THSD7B: variants seen among roughly 807,000 people sequenced by gnomAD.
THSD7B encodes thrombospondin type 1 domain containing 7B.
In THSD7B, 138 loss-of-function variants were observed where a neutral mutation model predicts 213.6. The observed-to-expected ratio is 0.65, with a 90% CI of 0.56 to 0.74. The LOEUF (loss-of-function observed/expected upper bound fraction) is 0.74, where lower values mean the gene tolerates loss of function less well. Among genes scored for constraint, THSD7B ranks in the 30% least tolerant of loss-of-function variants. THSD7B has a pLI of 0.00. For synonymous variants in THSD7B, 742 were observed against 687.0 expected, an observed-to-expected ratio of 1.08 and a Z score of -1.25; for missense variants, 1,931 against 1,991.5, an observed-to-expected ratio of 0.97 and a Z score of 0.58.
rs1350369275 is a variant in THSD7B at position 137,315,534 on chromosome 2, C to G, written c.2500+39508C>G. The stretch of plus-strand genomic sequence containing the variant: ...TATTCAGCCATCTTGGCTCCTCCCC[C>G]ACTATATGTATATATAATTTTAAAA... On this transcript the variant is annotated intron_variant, in intron 12 of 27. Transcript: ENST00000409968. 2.6e-5 allele frequency among the ~76,000 whole-genome samples: 4 copies of G among 152,110 alleles called. No individual in the cohort carries two copies. The South Asian group carries it at 6.2e-4, about 24-fold the overall frequency.
intron 2 of THSD7B, among the ~76,000 whole-genome samples, chr2:136,921,638 T>A (rs1684440455): frequency 6.6e-6 from 1 of 152,262 alleles, no homozygotes; most frequent in South Asian, 2.1e-4. Flanking sequence ...TTGCATTTTC[T>A]TGATTTTCAA....
At chr2:137,104,092 C>G (rs1172880715) in intron 4 of THSD7B, among the ~76,000 whole-genome samples, 1 of 152,166 alleles carries the variant, frequency 6.6e-6, no homozygotes. Context: ...CTTCTCAGCA[C>G]CACATCACAC....
intron 2 of THSD7B, among the ~76,000 whole-genome samples, chr2:136,937,772 C>T (rs180901211): frequency 7.2e-5 from 11 of 152,196 alleles, no homozygotes; most frequent in African/African-American, 2.2e-4. Context: ...TTAGATGTAG[C>T]GTGGGTACTT....
intron 2 of THSD7B, among the ~76,000 whole-genome samples, chr2:136,912,082 G>A (rs1359429007): frequency 6.6e-6 from 1 of 152,070 alleles, no homozygotes; most frequent in African/African-American, 2.4e-5. Context: ...GGAGGCCAAG[G>A]TGGGCAGATC....
At chr2:137,496,255 G>A (rs1304504033) in intron 15 of THSD7B, among the ~76,000 whole-genome samples, 6 of 152,160 alleles carry the variant, frequency 3.9e-5, no homozygotes, top group Admixed American at 3.3e-4. Flanking sequence ...AATGCTCTTA[G>A]CTGACTTTCC....
chr2:137,078,928 T>C (rs1687687010), intron 3 of THSD7B, among the ~76,000 whole-genome samples: 1 of 152,208 alleles, frequency 6.6e-6, no homozygotes, highest in African/African-American at 2.4e-5. Context: ...TTTTCATTTT[T>C]AAATTCTGGT....
chr2:137,176,577 C>T (rs1680361928), intron 7 of THSD7B, among the ~76,000 whole-genome samples: 1 of 152,200 alleles, frequency 6.6e-6, no homozygotes, highest in Admixed American at 6.5e-5. Context: ...TGGGTTGTAG[C>T]ACACACCTTT....
intron 1 of THSD7B, among the ~76,000 whole-genome samples, chr2:136,802,178 G>A (rs947477681): frequency 9.2e-5 from 14 of 152,110 alleles, no homozygotes; most frequent in Admixed American, 3.3e-4. Flanking sequence ...TAAGGGGAAC[G>A]TTAATGGGGT....
At chr2:136,907,492 T>C (rs1684184825) in intron 2 of THSD7B, among the ~76,000 whole-genome samples, 1 of 152,174 alleles carries the variant, frequency 6.6e-6, no homozygotes, top group African/African-American at 2.4e-5. Context: ...TCTACCTATA[T>C]TGGATCACAG....
chr2:136,775,417 G>A (rs1017575021), intron 1 of THSD7B, among the ~76,000 whole-genome samples: 4 of 152,052 alleles, frequency 2.6e-5, no homozygotes, highest in African/African-American at 9.7e-5. Context: ...ACAAGTCAAG[G>A]CACTAGAAAA....
chr2:137,415,689 T>TTTTTA (rs1686782540), intron 14 of THSD7B, among the ~76,000 whole-genome samples: 1 of 79,452 alleles, frequency 1.3e-5, no homozygotes, highest in African/African-American at 4.6e-5. Context: ...TTTTTTTTTT[T>TTTTTA]CAAAGAACAG....
chr2:136,926,663 C>T (rs1684531725), intron 2 of THSD7B, among the ~76,000 whole-genome samples: 1 of 151,348 alleles, frequency 6.6e-6, no homozygotes, highest in Non-Finnish European at 1.5e-5. Context: ...CACTGTACTC[C>T]AGCCTGGATG....
chr2:137,541,935 AC>A (rs1475118827), intron 15 of THSD7B, among the ~76,000 whole-genome samples: 1 of 151,702 alleles, frequency 6.6e-6, no homozygotes, highest in Non-Finnish European at 1.5e-5. Context: ...AAAGTGAAGA[AC>A]AATGAGAGCC....
Position 137,670,795 on chromosome 2 carries a change from C to T in THSD7B, c.4739+2934C>T, listed in dbSNP as rs547972298. 7.2e-5 allele frequency among the ~76,000 whole-genome samples: 11 copies of T among 152,032 alleles called. No homozygotes were observed. In the South Asian group the frequency reaches 2.3e-3, roughly 32 times the overall value. The stretch of plus-strand genomic sequence containing the variant: ...AATTAGCCAGGTGTGGTGGCGGGCG[C>T]CTGTAGTCCCAGCTACTCCGGAGGC... On this transcript the variant is annotated intron_variant, in intron 27 of 27. Coordinates refer to ENST00000409968, the MANE Select transcript of THSD7B (RefSeq NM_001316349.2).
At chr2:137,281,751 G>T (rs1683021999) in intron 12 of THSD7B, among the ~76,000 whole-genome samples, 1 of 152,062 alleles carries the variant, frequency 6.6e-6, no homozygotes, top group African/African-American at 2.4e-5. Context: ...TTTTATGGCT[G>T]CATAGTATTC....
At chr2:137,473,316 T>C (rs1376902430) in intron 15 of THSD7B, among the ~76,000 whole-genome samples, 1 of 151,904 alleles carries the variant, frequency 6.6e-6, no homozygotes, top group East Asian at 1.9e-4. Context: ...GTCTTCCAGG[T>C]TCACGCCATT....
At chr2:136,895,898 CATA>C (rs1376860653) in intron 2 of THSD7B, among the ~76,000 whole-genome samples, 1 of 152,128 alleles carries the variant, frequency 6.6e-6, no homozygotes, top group African/African-American at 2.4e-5. Context: ...TTTCATATCA[CATA>C]ATGTTTTGTG....
At position 137,676,899 on chromosome 2, in the gene THSD7B, T is replaced by C. The variant is rs1474778753; in HGVS notation, c.*294T>C. 1 of 263,182 alleles carries C rather than the reference T, an allele frequency of 3.8e-6. No individual in the cohort carries two copies. The highest frequency in any genetic ancestry group is 8.4e-5 in the East Asian group (1 of 11,858). 16.3% of individuals were successfully genotyped at this position (263,182 alleles called of 1,614,324 possible). A position where few individuals can be genotyped will look rare whatever the true frequency, so the allele number is the denominator to read the frequency against. ...CTGGGAGGAAGAAAACATGATGGAA[T>C]TCCCACAGACTTGAGTAAACTTGAT... On this transcript the variant is annotated 3_prime_UTR_variant, in exon 28 of 28. Transcript: ENST00000409968.
intron 10 of THSD7B, among the ~76,000 whole-genome samples, chr2:137,266,489 A>T (rs1315697690): frequency 6.6e-6 from 1 of 152,202 alleles, no homozygotes; most frequent in Non-Finnish European, 1.5e-5. Context: ...TGTATATATA[A>T]GTGAAGAGGA....
Sources: allele counts gnomAD v4.1 joint callset (sites outside exome capture counted in the v4.1 genomes callset), GRCh38; gene constraint gnomAD v4.1.1; transcripts MANE v1.5; gene names NCBI Gene and HGNC (gene_info 2026-07-23, HGNC 2026-07-21).